Variants in PELI1 observed in about 807,000 individuals in gnomAD.
PELI1 encodes E3 ubiquitin-protein ligase pellino homolog 1.
In PELI1, 15 loss-of-function variants were observed where a neutral mutation model predicts 41.3. That is an observed-to-expected ratio of 0.36 (90% CI 0.24 to 0.56). The LOEUF is 0.56. Ranked by LOEUF, PELI1 falls within the 20% of genes least tolerant of loss-of-function variation. The pLI is 0.82. For missense variants in PELI1, 403 were observed against 525.5 expected (o/e 0.77, Z 2.28); for synonymous variants, 178 against 180.1 (o/e 0.99, Z 0.09).
chr2:64,137,798 T>C (rs1159711829), intron 1 of PELI1, among the ~76,000 whole-genome samples: 1 of 152,114 alleles, frequency 6.6e-6, no homozygotes, highest in Non-Finnish European at 1.5e-5. Flanking sequence ...CTTTTTTCCT[T>C]AAAAACAAGG....
intron 1 of PELI1, among the ~76,000 whole-genome samples, chr2:64,115,723 T>C (rs1443631054): frequency 2.0e-5 from 3 of 152,214 alleles, no homozygotes; most frequent in Non-Finnish European, 4.4e-5. Flanking sequence ...TTTTCTAATG[T>C]CATTACTCCA....
At chr2:64,117,001 A>C (rs1378682088) in intron 1 of PELI1, among the ~76,000 whole-genome samples, 7 of 152,166 alleles carry the variant, frequency 4.6e-5, no homozygotes, top group African/African-American at 1.7e-4. Flanking sequence ...GGTGCCCTGA[A>C]TTGTGTCCAT....
chr2:64,102,792 C>CA (rs1680488746), intron 3 of PELI1, among the ~76,000 whole-genome samples: 4 of 151,868 alleles, frequency 2.6e-5, no homozygotes, highest in African/African-American at 9.7e-5. Flanking sequence ...TCATCATGAC[C>CA]TCACAAATAC....
Position 64,100,419 on chromosome 2 carries a change from G to A in PELI1, c.282C>T (p.Asp94=), listed in dbSNP as rs756919809. The A allele has an allele frequency of 1.6e-5, 25 of 1,544,300 alleles. No homozygotes were observed. The highest frequency in any genetic ancestry group is 2.1e-5 in the Non-Finnish European group (24 of 1,116,654). ...ATACCTGAAACATATCGGTGTTGCT[G>A]TCATGAGTATATTCAACCACCACAG... ...AQTVVVEYTH[D]SNTDMFQIGR... Residue 94 remains aspartate, a synonymous_variant, in exon 4 of 7, where the codon GAC becomes GAT. Transcript: ENST00000358912.
At position 64,093,454 on chromosome 2, in the gene PELI1, A is replaced by G. The variant is rs983035563; in HGVS notation, c.*1248T>C. 26 of 152,650 alleles carry G rather than the reference A, an allele frequency of 1.7e-4. No individual in the cohort carries two copies. The highest frequency in any genetic ancestry group is 2.1e-4 in the South Asian group (1 of 4,838). The allele number at this position is 152,650 out of a possible 1,614,324, so 9.5% of individuals were successfully genotyped here. A position where few individuals can be genotyped will look rare whatever the true frequency, so the allele number is the denominator to read the frequency against. On this transcript the variant is annotated 3_prime_UTR_variant, in exon 7 of 7. Transcript: ENST00000358912. ...TGGTGCCTTTGAAAAAAGGGTGGGA[A>G]GGAGGGGAGAGAAGAAACTTTTCTT...
chr2:64,104,729 T>C lies in PELI1; in HGVS notation c.173A>G (p.His58Arg). 1.2e-6 allele frequency: 2 copies of C among 1,609,842 alleles called. No homozygotes were observed. The highest frequency in any genetic ancestry group is 1.1e-5 in the South Asian group (1 of 90,700). The change falls in exon 3 of 7, where the codon CAT (histidine) becomes CGT (arginine). Residue 58 changes from histidine to arginine, a missense_variant. Coordinates refer to ENST00000358912, the MANE Select transcript of PELI1 (RefSeq NM_020651.4). ...KANGVKPSTV[H>R]IACTPQAAKA... is the part of the protein sequence containing the mutation. Reference sequence around the variant, plus strand: ...TGCAGCCTGAGGAGTACAAGCAATATGCACAGTGCTGGGCTTCACCCCATT... The same window carrying C: ...TGCAGCCTGAGGAGTACAAGCAATACGCACAGTGCTGGGCTTCACCCCATT...
Position 64,114,250 on chromosome 2 carries a change from G to T in PELI1, c.-69-5871C>A, listed in dbSNP as rs1024974489. Among the ~76,000 whole-genome samples, 4 of 152,242 alleles carry T rather than the reference G, an allele frequency of 2.6e-5. No individual in the cohort carries two copies. In the South Asian group the frequency reaches 6.2e-4, roughly 24 times the overall value. On this transcript the variant is annotated intron_variant, in intron 1 of 6. Transcript: ENST00000358912. ...TTCAAAAGGATGACTCAAACAGAAA[G>T]AACTGCTTTAGTATGTTTGCGGTGG...
At chr2:64,122,361 A>C (rs973231616) in intron 1 of PELI1, among the ~76,000 whole-genome samples, 18 of 143,878 alleles carry the variant, frequency 1.3e-4, no homozygotes, top group African/African-American at 4.5e-4. Context: ...AAAAAAAAAA[A>C]CTCCAGAAAA....
chr2:64,136,155 T>C (rs1681709722), intron 1 of PELI1, among the ~76,000 whole-genome samples: 1 of 151,968 alleles, frequency 6.6e-6, no homozygotes, highest in Non-Finnish European at 1.5e-5. Context: ...ATGGTCATCA[T>C]CATAGAAGTT....
At chr2:64,120,593 C>G (rs1681174552) in intron 1 of PELI1, among the ~76,000 whole-genome samples, 1 of 152,032 alleles carries the variant, frequency 6.6e-6, no homozygotes, top group African/African-American at 2.4e-5. Context: ...ACAGCAGAGC[C>G]CTAAAATTAG....
intron 1 of PELI1, among the ~76,000 whole-genome samples, chr2:64,130,827 C>T (rs1308630392): frequency 6.6e-6 from 1 of 152,060 alleles, no homozygotes; most frequent in African/African-American, 2.4e-5. Flanking sequence ...TTCATATACA[C>T]AGTAATATAA....
chr2:64,139,878 T>A (rs1681841691), intron 1 of PELI1, among the ~76,000 whole-genome samples: 1 of 152,170 alleles, frequency 6.6e-6, no homozygotes, highest in Non-Finnish European at 1.5e-5. Context: ...CACTAAACAA[T>A]CAGATTTGGT....
intron 1 of PELI1, among the ~76,000 whole-genome samples, chr2:64,136,764 G>A (rs959244607): frequency 2.6e-5 from 4 of 152,130 alleles, no homozygotes; most frequent in Admixed American, 6.5e-5. Context: ...TTAGCTGGGC[G>A]TAGTGGTGTG....
intron 2 of PELI1, among the ~76,000 whole-genome samples, chr2:64,106,817 C>A (rs973828904): frequency 6.6e-6 from 1 of 152,234 alleles, no homozygotes; most frequent in Non-Finnish European, 1.5e-5. Flanking sequence ...TCAACTGAAA[C>A]AACGCATTCT....
intron 3 of PELI1, chr2:64,104,424 C>T (rs1191762637): frequency 6.7e-6 from 2 of 298,984 alleles, no homozygotes; most frequent in Non-Finnish European, 1.2e-5. Flanking sequence ...TAGATAAAGC[C>T]CTGTCCCCCA....
At chr2:64,116,073 T>A (rs1576086231) in intron 1 of PELI1, among the ~76,000 whole-genome samples, 1 of 152,278 alleles carries the variant, frequency 6.6e-6, no homozygotes, top group East Asian at 1.9e-4. Context: ...GGTAAATTCC[T>A]GGTACTACCA....
rs772439618 is a variant in PELI1 at position 64,096,422 on chromosome 2, G to A, written c.492C>T (p.Ile164=). 2 of 1,607,894 alleles carry A rather than the reference G, an allele frequency of 1.2e-6. No homozygotes were observed. The highest frequency in any genetic ancestry group is 1.7e-5 in the Admixed American group (1 of 59,588). The part of the protein sequence containing the change: ...YAAGFDSSKN[I]FLGEKAAKWK... ...AAAAAAAGCTTTTTACCCCAAGAAA[G>A]ATGTTTTTTGATGAGTCAAATCCTG... The change falls in exon 5 of 7, where the codon ATC becomes ATT. Residue 164 remains isoleucine, a synonymous_variant. Transcript: ENST00000358912.
chr2:64,130,306 T>C (rs1681515781), intron 1 of PELI1, among the ~76,000 whole-genome samples: 1 of 152,220 alleles, frequency 6.6e-6, no homozygotes, highest in African/African-American at 2.4e-5. Context: ...GCTACGTTCA[T>C]ATATCAGACA....
At chr2:64,124,523 A>T (rs1434415683) in intron 1 of PELI1, among the ~76,000 whole-genome samples, 1 of 152,218 alleles carries the variant, frequency 6.6e-6, no homozygotes, top group Non-Finnish European at 1.5e-5. Flanking sequence ...GAGGGAAACT[A>T]ATCATTTGAA....
Sources: gnomAD v4.1 joint callset for allele counts (sites outside exome capture counted in the v4.1 genomes callset) on GRCh38, gnomAD v4.1.1 for gene constraint, MANE v1.5 for transcripts, NCBI Gene and HGNC (gene_info 2026-07-23, HGNC 2026-07-21) for gene names.